LYRM4: variants seen among roughly 807,000 people sequenced by gnomAD.
LYRM4 encodes LYR motif containing 4.
A neutral mutation model predicts 11.7 loss-of-function variants in LYRM4; 9 were observed. That is an observed-to-expected ratio of 0.77 (90% CI 0.46 to 1.34). The LOEUF (loss-of-function observed/expected upper bound fraction) is 1.34. Among genes scored for constraint, LYRM4 ranks in the 40% most tolerant of loss-of-function variants. The pLI is 0.00. For missense variants in LYRM4, 133 were observed against 112.5 expected (o/e 1.18, Z -0.82); for synonymous variants, 42 against 40.4 (o/e 1.04, Z -0.15).
At chr6:5,148,667 C>T (rs1757917917) in intron 2 of LYRM4, among the ~76,000 whole-genome samples, 1 of 14,614 alleles carries the variant, frequency 6.8e-5, no homozygotes, top group African/African-American at 2.3e-4. Context: ...ACACACCTCT[C>T]TCTCTCTCTC....
the LYRM4 span, among the ~76,000 whole-genome samples, chr6:5,095,154 G>A: frequency 5.9e-5 from 9 of 152,108 alleles, no homozygotes; most frequent in Middle Eastern, 3.2e-3. Flanking sequence ...CTATGTCTAC[G>A]AACATTTTTT....
intron 2 of LYRM4, among the ~76,000 whole-genome samples, chr6:5,158,928 A>G (rs951851428): frequency 6.6e-6 from 1 of 151,034 alleles, no homozygotes; most frequent in African/African-American, 2.4e-5. Context: ...AAAGGTTCAT[A>G]ATTGGACTGA....
chr6:5,113,528 C>T, intron 2 of LYRM4: 1 of 283,222 alleles, frequency 3.5e-6, no homozygotes, highest in South Asian at 2.9e-5. Context: ...GAAGGGGGAC[C>T]CACCCTTGCA....
At chr6:5,139,893 A>G (rs1243088784) in intron 2 of LYRM4, among the ~76,000 whole-genome samples, 2 of 144,354 alleles carry the variant, frequency 1.4e-5, no homozygotes, top group Non-Finnish European at 3.0e-5. Context: ...GCTGGGGGGC[A>G]GTGGTGTGAT....
intron 1 of LYRM4, among the ~76,000 whole-genome samples, chr6:5,258,431 T>C (rs555542655): frequency 2.6e-5 from 4 of 152,328 alleles, no homozygotes; most frequent in South Asian, 2.1e-4. Flanking sequence ...CACAAGATTA[T>C]TGTCAAAACA....
At chr6:5,092,751 A>T in the LYRM4 span, among the ~76,000 whole-genome samples, 1 of 149,166 alleles carries the variant, frequency 6.7e-6, no homozygotes, top group African/African-American at 2.6e-5. Context: ...GTTCAGAACC[A>T]CTGTAAGTAG....
At chr6:5,189,538 T>C (rs1760631124) in intron 2 of LYRM4, among the ~76,000 whole-genome samples, 1 of 152,214 alleles carries the variant, frequency 6.6e-6, no homozygotes, top group Non-Finnish European at 1.5e-5. Flanking sequence ...CCACTAGTCC[T>C]GGTGCTCTGA....
At chr6:5,212,543 A>T (rs2127718944) in intron 2 of LYRM4, among the ~76,000 whole-genome samples, 1 of 152,264 alleles carries the variant, frequency 6.6e-6, no homozygotes, top group Middle Eastern at 3.4e-3. Flanking sequence ...AATCTTTCTG[A>T]TCTCACCTGG....
chr6:5,085,737 C>T, the LYRM4 span: 1 of 1,542,350 alleles, frequency 6.5e-7, no homozygotes, highest in Non-Finnish European at 8.7e-7. Flanking sequence ...GCGCGCGCTC[C>T]TTTTCCTTGC....
At position 5,210,996 on chromosome 6, in the gene LYRM4, A is replaced by G. The variant is rs372271332; in HGVS notation, c.207+5622T>C. ...TTCATGTATTTTAAATGTCCCTTAG[A>G]TAGGGATTGACTTCCCTTTATTCCA... On this transcript the variant is annotated intron_variant, in intron 2 of 2. Transcript: ENST00000330636. Among the ~76,000 whole-genome samples, 23 of 152,322 alleles carry G rather than the reference A, an allele frequency of 1.5e-4. No homozygotes were observed. In the East Asian group the frequency reaches 3.3e-3, roughly 22 times the overall value.
At chr6:5,075,767 T>A in the LYRM4 span, among the ~76,000 whole-genome samples, 1 of 152,038 alleles carries the variant, frequency 6.6e-6, no homozygotes, top group Non-Finnish European at 1.5e-5. Context: ...AAAATATACA[T>A]AACATAACAT....
At chr6:5,045,030 A>G in the LYRM4 span, among the ~76,000 whole-genome samples, 2 of 152,186 alleles carry the variant, frequency 1.3e-5, no homozygotes, top group East Asian at 3.9e-4. Context: ...TTCAGTGATC[A>G]TCATCCTTGT....
At chr6:5,132,146 G>T (rs1763984211) in intron 2 of LYRM4, among the ~76,000 whole-genome samples, 1 of 152,240 alleles carries the variant, frequency 6.6e-6, no homozygotes, top group Non-Finnish European at 1.5e-5. Flanking sequence ...CAGGGATTAA[G>T]TTTGAGGATC....
the LYRM4 span, among the ~76,000 whole-genome samples, chr6:5,045,421 C>T: frequency 6.6e-6 from 1 of 152,088 alleles, no homozygotes; most frequent in Non-Finnish European, 1.5e-5. Flanking sequence ...ATCAAACTCA[C>T]AGAGATAGAA....
intron 2 of LYRM4, among the ~76,000 whole-genome samples, chr6:5,177,825 G>A (rs1209939626): frequency 6.6e-6 from 1 of 152,196 alleles, no homozygotes; most frequent in African/African-American, 2.4e-5. Context: ...ATACAGGGAT[G>A]AGAAGTGATT....
At chr6:5,246,247 A>G (rs937592114) in intron 1 of LYRM4, among the ~76,000 whole-genome samples, 3 of 152,224 alleles carry the variant, frequency 2.0e-5, no homozygotes, top group African/African-American at 7.2e-5. Flanking sequence ...ATTTGCTGAC[A>G]TGAAGAGTAG....
At chr6:5,111,819 T>C (rs1762895770) in intron 2 of LYRM4, among the ~76,000 whole-genome samples, 1 of 152,206 alleles carries the variant, frequency 6.6e-6, no homozygotes, top group South Asian at 2.1e-4. Flanking sequence ...CATGTGAGAC[T>C]CTTCACTTCC....
At chr6:5,125,185 C>CT (rs1763644962) in intron 2 of LYRM4, among the ~76,000 whole-genome samples, 1 of 152,204 alleles carries the variant, frequency 6.6e-6, no homozygotes, top group Admixed American at 6.5e-5. Flanking sequence ...AGTCATCCCT[C>CT]TAGAGACACA....
intron 1 of LYRM4, among the ~76,000 whole-genome samples, chr6:5,233,111 C>T (rs1025244464): frequency 6.6e-6 from 1 of 152,168 alleles, no homozygotes; most frequent in African/African-American, 2.4e-5. Context: ...CTCAACTGGA[C>T]GACGTCCTCA....
Sources: allele counts gnomAD v4.1 joint callset (sites outside exome capture counted in the v4.1 genomes callset), GRCh38; gene constraint gnomAD v4.1.1; transcripts MANE v1.5; gene names NCBI Gene and HGNC (gene_info 2026-07-23, HGNC 2026-07-21).